The following EARS2 variants were observed in gnomAD, a reference collection of about 807,000 sequenced individuals.
EARS2 encodes the protein glutamyl-tRNA synthetase 2, mitochondrial.
EARS2 carries 50 observed loss-of-function variants against 54.1 expected under a neutral mutation model. That is an observed-to-expected ratio of 0.92 (90% CI 0.74 to 1.17). The LOEUF (loss-of-function observed/expected upper bound fraction) is 1.17. Ranked by LOEUF, EARS2 falls within the 50% of genes most tolerant of loss-of-function variation. The probability of loss-of-function intolerance (pLI) is 0.00; values close to 1 mark genes in which losing one functional copy is unlikely to be tolerated. For missense variants in EARS2, 673 were observed against 675.0 expected (o/e 1.00, Z 0.03); for synonymous variants, 298 against 281.0 (o/e 1.06, Z -0.61).
rs567746261 is a variant in EARS2, at chr16:23,549,178, A to G, written c.295+2971T>C. 3.0e-4 allele frequency among the ~76,000 whole-genome samples: 45 copies of G among 152,326 alleles called. No homozygotes were observed. In the South Asian group the frequency reaches 9.3e-3, roughly 32 times the overall value. On this transcript the variant is annotated intron_variant, in intron 2 of 8. Transcript: ENST00000449606. ...CACTCACCAAGCTACAGGAGTGAAG[A>G]GCTGAGACAGTGCTGGGGACTCAGA...
chr16:23,545,057 G>A (rs1965581086), intron 2 of EARS2: 2 of 179,454 alleles, frequency 1.1e-5, no homozygotes, highest in African/African-American at 4.7e-5. Context: ...GGCCAGGCTG[G>A]TCTTGAACTC....
chr16:23,535,322 A>G lies in EARS2; in HGVS notation c.524T>C (p.Val175Ala). 6.2e-7 allele frequency: 1 copy of G among 1,601,538 alleles called. No individual in the cohort carries two copies. Among genetic ancestry groups the G allele is most frequent in the Non-Finnish European group, 8.5e-7 (1 of 1,179,936 alleles). Residue 175 changes from valine (V) to alanine (A), a missense_variant, in exon 4 of 9, where the codon GTG becomes GCG. Val to Ala is a moderately conservative substitution (Grantham distance 64). Around this residue, in one of 3 missense-constraint regions of EARS2, gnomAD observed 316 missense variants for 275.2 expected, o/e 1.15. Coordinates refer to ENST00000449606, the MANE Select transcript of EARS2 (RefSeq NM_001083614.2). ...NRCRNMSQEQ[V>A]AQKLAKDPKP... ...GGGGTCCTTGGCCAGCTTCTGGGCC[A>G]CCTGCTCCTGGCTCATGTTCCTGCA...
At chr16:23,547,218 G>A (rs770089185) in intron 2 of EARS2, among the ~76,000 whole-genome samples, 3 of 152,138 alleles carry the variant, frequency 2.0e-5, no homozygotes, top group Non-Finnish European at 4.4e-5. Flanking sequence ...CCACAGATGC[G>A]CTTATGGTAA....
chr16:23,525,016 G>A, intron 8 of EARS2: 1 of 617,106 alleles, frequency 1.6e-6, no homozygotes, highest in African/African-American at 1.9e-5. Context: ...CATGGAGGCA[G>A]AGATTATGTA....
intron 2 of EARS2, among the ~76,000 whole-genome samples, chr16:23,548,635 G>A (rs927732378): frequency 2.0e-5 from 3 of 152,082 alleles, no homozygotes; most frequent in Non-Finnish European, 4.4e-5. Context: ...CCAGGCTGGA[G>A]TGTAATGGCA....
rs570293343 is a variant in EARS2 at position 23,556,616 on chromosome 16, C to T, written c.139+589G>A. ...TCAAGTGATGCACCCACCTCTGCCT[C>T]CCAAAGTGCTGGGATTACAAGCGTG... On this transcript the variant is annotated intron_variant, in intron 1 of 8. Coordinates refer to ENST00000449606, the MANE Select transcript of EARS2 (RefSeq NM_001083614.2). 91 of 303,310 alleles carry T rather than the reference C, an allele frequency of 3.0e-4. 1 individual carries two copies. Among genetic ancestry groups the T allele is most frequent in the African/African-American group, 1.9e-3 (85 of 45,512 alleles). 18.8% of individuals were successfully genotyped at this position (303,310 alleles called of 1,614,324 possible).
At chr16:23,526,484 G>A (rs887770888) in intron 7 of EARS2, among the ~76,000 whole-genome samples, 1 of 152,122 alleles carries the variant, frequency 6.6e-6, no homozygotes, top group Admixed American at 6.6e-5. Flanking sequence ...ACAATCAAGA[G>A]CTTTGAGACA....
Position 23,534,885 on chromosome 16 carries a change from T to C in EARS2, c.958+3A>G. On this transcript the variant is annotated splice_donor_region_variant and intron_variant, in intron 4 of 8. Transcript: ENST00000449606. ...TGCCAGGACTATTCAGGTGGGCACG[T>C]ACCTGCAAAACCTGAGCCACAGTTG... The C allele has an allele frequency of 1.3e-6, 2 of 1,565,690 alleles. No homozygotes were observed. Among genetic ancestry groups the C allele is most frequent in the African/African-American group, 1.3e-5 (1 of 74,398 alleles).
chr16:23,554,599 T>A (rs904617740), intron 1 of EARS2, among the ~76,000 whole-genome samples: 1 of 152,200 alleles, frequency 6.6e-6, no homozygotes, highest in African/African-American at 2.4e-5. Context: ...AGGCCGACCC[T>A]GCTTCAACAC....
In EARS2 at chr16:23,544,618, G is replaced by A. The variant is rs1965571317; in HGVS notation, c.381C>T (p.Ala127=). 1.2e-6 allele frequency: 2 copies of A among 1,613,360 alleles called. No homozygotes were observed. The highest frequency in any genetic ancestry group is 1.7e-6 in the Non-Finnish European group (2 of 1,179,836). The change falls in exon 3 of 9, where the codon GCC becomes GCT. Residue 127 remains alanine (A), a synonymous_variant. Transcript: ENST00000449606. The part of the protein sequence containing the change: ...QSQRLELYAQ[A]TEALLKTGAA... ...CTCCGGTCTTCAGCAGCGCTTCTGT[G>A]GCCTGGGCATACAGCTCCAACCGCT...
chr16:23,522,178 T>C lies in EARS2; in HGVS notation c.*2193A>G, dbSNP rs567856922. ...ACCTGTTGTTTCTGCCATTACATCA[T>C]CTTCTGGAGAAAGCTCCCTAGTTTT... On this transcript the variant is annotated 3_prime_UTR_variant, in exon 9 of 9. Coordinates refer to ENST00000449606, the MANE Select transcript of EARS2 (RefSeq NM_001083614.2). The C allele has an allele frequency of 5.3e-5, 11 of 207,252 alleles. No homozygotes were observed. Among genetic ancestry groups the C allele is most frequent in the Admixed American group, 3.7e-4 (7 of 19,154 alleles). 12.8% of individuals were successfully genotyped at this position (207,252 alleles called of 1,614,324 possible). A position where few individuals can be genotyped will look rare whatever the true frequency, so the allele number is the denominator to read the frequency against.
Position 23,524,144 on chromosome 16 carries a change from C to T in EARS2, c.*227G>A. 1.7e-6 allele frequency: 1 copy of T among 580,810 alleles called. No homozygotes were observed. Among genetic ancestry groups the T allele is most frequent in the Non-Finnish European group, 3.1e-6 (1 of 325,244 alleles). The allele number at this position is 580,810 out of a possible 1,614,324, so 36.0% of individuals were successfully genotyped here. A position where few individuals can be genotyped will look rare whatever the true frequency, so the allele number is the denominator to read the frequency against. On this transcript the variant is annotated 3_prime_UTR_variant, in exon 9 of 9. Coordinates refer to ENST00000449606, the MANE Select transcript of EARS2 (RefSeq NM_001083614.2). Reference sequence around the variant, plus strand: ...TGTGAGAAACCAGACCCGGAGAATGCCTTTCCAGAGTCCAGGAGGTTAGAT... The same window carrying T: ...TGTGAGAAACCAGACCCGGAGAATGTCTTTCCAGAGTCCAGGAGGTTAGAT...
Position 23,523,726 on chromosome 16 carries a change from C to G in EARS2, c.*645G>C, listed in dbSNP as rs894433762. The stretch of plus-strand genomic sequence containing the variant: ...CCTGGAACCTCAGAATGAGACTGTA[C>G]TTGGAGATTGAGCATTTAAAGAGGT... On this transcript the variant is annotated 3_prime_UTR_variant, in exon 9 of 9. Coordinates refer to ENST00000449606, the MANE Select transcript of EARS2 (RefSeq NM_001083614.2). 6.6e-6 allele frequency: 1 copy of G among 152,234 alleles called. No individual in the cohort carries two copies. The highest frequency in any genetic ancestry group is 1.5e-5 in the Non-Finnish European group (1 of 68,120). The allele number at this position is 152,234 out of a possible 1,614,324, so 9.4% of individuals were successfully genotyped here. A position where few individuals can be genotyped will look rare whatever the true frequency, so the allele number is the denominator to read the frequency against.
chr16:23,526,110 CTTTTTT>C (rs55859005), intron 7 of EARS2, among the ~76,000 whole-genome samples: 4 of 119,962 alleles, frequency 3.3e-5, no homozygotes, highest in Non-Finnish European at 5.2e-5. Context: ...GAAATATTAC[CTTTTTT>C]TTTTTTTTTT....
intron 8 of EARS2, 98 bp downstream of exon 8, chr16:23,525,146 G>T: frequency 6.5e-7 from 1 of 1,533,990 alleles, no homozygotes; most frequent in Non-Finnish European, 9.0e-7. Context: ...ATTCACCTTT[G>T]TATACTCAAT....
chr16:23,525,522 T>C, intron 7 of EARS2, 143 bp from the exon 8 acceptor site: 1 of 959,222 alleles, frequency 1.0e-6, no homozygotes. Flanking sequence ...GTGAGGAAGA[T>C]ATTGACCACT....
At chr16:23,544,944 C>T (rs927192483) in intron 2 of EARS2, 12 of 393,514 alleles carry the variant, frequency 3.0e-5, no homozygotes, top group South Asian at 7.3e-5. Flanking sequence ...CAAGTTCAAG[C>T]GGTTCTCCTG....
At position 23,522,110 on chromosome 16, in the gene EARS2, A is replaced by T. The variant is rs1037867512; in HGVS notation, c.*2261T>A. ...GAGGGTGAGGCTCATATAAGCGCACAATAAATTACAAGTATTATTATTGTC... is the reference window on the plus strand; with the variant it reads ...GAGGGTGAGGCTCATATAAGCGCACTATAAATTACAAGTATTATTATTGTC... On this transcript the variant is annotated 3_prime_UTR_variant, in exon 9 of 9. Coordinates refer to ENST00000449606, the MANE Select transcript of EARS2 (RefSeq NM_001083614.2). 1.5e-5 allele frequency: 4 copies of T among 272,992 alleles called. No individual in the cohort carries two copies. Among genetic ancestry groups the T allele is most frequent in the Non-Finnish European group, 7.4e-6 (1 of 134,378 alleles). The allele number at this position is 272,992 out of a possible 1,614,324, so 16.9% of individuals were successfully genotyped here.
At chr16:23,535,528 A>G in intron 3 of EARS2, 168 bp from the exon 4 acceptor site, 1 of 630,158 alleles carries the variant, frequency 1.6e-6, no homozygotes, top group African/African-American at 1.8e-5. Flanking sequence ...CTGAGATAAC[A>G]TGGTGTAGCA....
Sources: allele counts gnomAD v4.1 joint callset (sites outside exome capture counted in the v4.1 genomes callset), GRCh38; gene constraint gnomAD v4.1.1; regional missense constraint gnomAD v4.1.1; transcripts MANE v1.5; gene names NCBI Gene and HGNC (gene_info 2026-07-23, HGNC 2026-07-21).